The following HOXC5 variants were observed in gnomAD, a reference collection of about 807,000 sequenced individuals.
HOXC5 encodes homeobox protein Hox-C5.
HOXC5 carries 19 observed loss-of-function variants against 20.1 expected under a neutral mutation model. The ratio of observed to expected loss-of-function variants is 0.94; its 90% CI spans 0.66 to 1.38. The LOEUF (loss-of-function observed/expected upper bound fraction) is 1.38, where lower values mean the gene tolerates loss of function less well. HOXC5 is among the 40% of genes most tolerant of loss of function. HOXC5 has a pLI of 0.00. For missense variants in HOXC5, 330 were observed against 300.1 expected (o/e 1.10, Z -0.74); for synonymous variants, 124 against 117.0 (o/e 1.06, Z -0.39).
upstream of HOXC5, chr12:54,028,873 G>A (rs770158000): frequency 1.1e-5 from 18 of 1,613,698 alleles, no homozygotes; most frequent in Non-Finnish European, 1.5e-5. Flanking sequence ...GGACCAGAAA[G>A]CCAGTATCCA....
the HOXC5 span, chr12:54,022,552 C>A: frequency 6.6e-6 from 1 of 152,090 alleles, no homozygotes; most frequent in African/African-American, 2.4e-5. Context: ...TTAAATGGTT[C>A]TTTCAGATCT....
upstream of HOXC5, chr12:54,030,159 G>GCCT: frequency 1.8e-6 from 1 of 541,014 alleles, no homozygotes; most frequent in Non-Finnish European, 3.2e-6. Context: ...TTCACCACGC[G>GCCT]CCTCCTCCTC....
Position 54,034,942 on chromosome 12 carries a change from G to A in HOXC5, c.*450G>A, listed in dbSNP as rs554797405. 16 of 195,614 alleles carry A rather than the reference G, an allele frequency of 8.2e-5. No individual in the cohort carries two copies. Among genetic ancestry groups the A allele is most frequent in the African/African-American group, 3.7e-4 (16 of 43,154 alleles). The allele number at this position is 195,614 out of a possible 1,614,324, so 12.1% of individuals were successfully genotyped here. On this transcript the variant is annotated 3_prime_UTR_variant, in exon 2 of 2. Coordinates refer to ENST00000312492, the MANE Select transcript of HOXC5 (RefSeq NM_018953.4). ...GGCTGGACGGGTTAGACAGCCAAAG[G>A]CTGGCGAGAGTCTGGCCCTAGACTC...
the HOXC5 span, among the ~76,000 whole-genome samples, chr12:54,024,864 C>T: frequency 4.5e-4 from 69 of 152,368 alleles, no homozygotes; most frequent in African/African-American, 1.6e-3. Flanking sequence ...GTAAATTTCT[C>T]TCCTATAATT....
chr12:54,029,676 G>C (rs751242313), upstream of HOXC5: 2 of 1,613,488 alleles, frequency 1.2e-6, no homozygotes, highest in South Asian at 1.1e-5. Flanking sequence ...GGAGCGGACC[G>C]GAGGCGCGGC....
At chr12:54,024,673 C>G in the HOXC5 span, among the ~76,000 whole-genome samples, 1 of 152,156 alleles carries the variant, frequency 6.6e-6, no homozygotes, top group African/African-American at 2.4e-5. Flanking sequence ...CCCACCCACC[C>G]TTTCCCCAGT....
Position 54,034,716 on chromosome 12 carries a change from A to T in HOXC5, c.*224A>T. The T allele has an allele frequency of 3.7e-6, 2 of 544,268 alleles. No homozygotes were observed. Among genetic ancestry groups the T allele is most frequent in the African/African-American group, 1.9e-5 (1 of 52,868 alleles). The allele number at this position is 544,268 out of a possible 1,614,324, so 33.7% of individuals were successfully genotyped here. On this transcript the variant is annotated 3_prime_UTR_variant, in exon 2 of 2. Transcript: ENST00000312492. ...GCCCCATCTCCCCTCAGCTCGGCTC[A>T]GCTCGGTACCCGGGGCCCAGGGCAA...
At chr12:54,031,175 C>A (rs1297560571), upstream of HOXC5, among the ~76,000 whole-genome samples, 1 of 152,230 alleles carries the variant, frequency 6.6e-6, no homozygotes, top group East Asian at 1.9e-4. Context: ...AACCCTGAGG[C>A]GCCCCGAAAG....
At chr12:54,033,708 A>T in intron 1 of HOXC5, 132 bp downstream of exon 1, 1 of 771,636 alleles carries the variant, frequency 1.3e-6, no homozygotes, top group Non-Finnish European at 2.0e-6. Context: ...AAAACTGTCC[A>T]CTAAAAGGCT....
chr12:54,028,338 A>T, upstream of HOXC5: 4 of 588,750 alleles, frequency 6.8e-6, no homozygotes, highest in Non-Finnish European at 1.2e-5. Flanking sequence ...CAACAGAAGC[A>T]GAAGCGATTT....
At chr12:54,029,554 C>G, upstream of HOXC5, 2 of 1,263,112 alleles carry the variant, frequency 1.6e-6, no homozygotes, top group Non-Finnish European at 2.2e-6. Context: ...AGGCTGTGAG[C>G]TGCTGGCCAG....
the HOXC5 span, among the ~76,000 whole-genome samples, chr12:54,027,348 G>C: frequency 1.2e-4 from 18 of 152,206 alleles, no homozygotes; most frequent in African/African-American, 4.3e-4. Flanking sequence ...GCGGTGCCCT[G>C]AGTCTGGAGG....
the HOXC5 span, among the ~76,000 whole-genome samples, chr12:54,026,439 CA>C: frequency 6.6e-6 from 1 of 152,130 alleles, no homozygotes; most frequent in Non-Finnish European, 1.5e-5. Flanking sequence ...CAAGTCACCC[CA>C]AAAATGAGAT....
At chr12:54,028,353 C>A (rs113823335), upstream of HOXC5, 25 of 634,890 alleles carry the variant, frequency 3.9e-5, no homozygotes, top group African/African-American at 4.1e-4. Context: ...CGATTTTTTT[C>A]CCCCTTCCTG....
At chr12:54,023,660 C>T in the HOXC5 span, among the ~76,000 whole-genome samples, 3 of 152,146 alleles carry the variant, frequency 2.0e-5, no homozygotes, top group Non-Finnish European at 2.9e-5. Context: ...CTGGTCAGCC[C>T]GGGCCCTGTC....
At chr12:54,026,126 G>T in the HOXC5 span, among the ~76,000 whole-genome samples, 44,592 of 151,994 alleles carry the variant, frequency 0.29, 7,381 homozygotes, top group East Asian at 0.44. Context: ...GAAATTGGAG[G>T]GGGGGACAGA....
At chr12:54,031,053 G>A (rs1053270779), upstream of HOXC5, among the ~76,000 whole-genome samples, 21 of 152,252 alleles carry the variant, frequency 1.4e-4, no homozygotes, top group Non-Finnish European at 2.1e-4. Context: ...CACCCTGCGG[G>A]AAAAAGCCGC....
chr12:54,025,093 C>G, the HOXC5 span, among the ~76,000 whole-genome samples: 1 of 152,168 alleles, frequency 6.6e-6, no homozygotes, highest in Non-Finnish European at 1.5e-5. Context: ...ACCTGCAAGC[C>G]TGATGGGGTT....
At chr12:54,025,534 G>T in the HOXC5 span, among the ~76,000 whole-genome samples, 3 of 51,168 alleles carry the variant, frequency 5.9e-5, no homozygotes, top group East Asian at 1.1e-3. Flanking sequence ...AATTGGGGGG[G>T]GGGGAGGTGT....
Sources: allele counts gnomAD v4.1 joint callset (sites outside exome capture counted in the v4.1 genomes callset), GRCh38; gene constraint gnomAD v4.1.1; transcripts MANE v1.5; gene names NCBI Gene and HGNC (gene_info 2026-07-23, HGNC 2026-07-21).